The following ARFGEF3 variants were observed in gnomAD, a reference collection of about 807,000 sequenced individuals.
The protein encoded by ARFGEF3 is ARFGEF family member 3, also known as brefeldin A-inhibited guanine nucleotide-exchange protein 3.
In ARFGEF3, 96 loss-of-function variants were observed where a neutral mutation model predicts 221.7. That is an observed-to-expected ratio of 0.43 (90% CI 0.37 to 0.51). The LOEUF is 0.51. Ranked by LOEUF, ARFGEF3 falls within the 20% of genes least tolerant of loss-of-function variation. The probability of loss-of-function intolerance (pLI) is 0.00; values close to 1 mark genes in which losing one functional copy is unlikely to be tolerated. For synonymous variants in ARFGEF3, 1,145 were observed against 1,126.8 expected (o/e 1.02, Z -0.32); for missense variants, 2,410 against 2,789.9 (o/e 0.86, Z 3.07).
At position 138,253,806 on chromosome 6, in the gene ARFGEF3, G is replaced by A. The variant is rs554580983; in HGVS notation, c.666-74G>A. The A allele has an allele frequency of 5.4e-5, 64 of 1,176,782 alleles. No individual in the cohort carries two copies. In the South Asian group the frequency reaches 6.3e-4, roughly 12 times the overall value. 72.9% of individuals were successfully genotyped at this position (1,176,782 alleles called of 1,614,324 possible). On this transcript the variant is annotated intron_variant, in intron 8 of 33. Coordinates refer to ENST00000251691, the MANE Select transcript of ARFGEF3 (RefSeq NM_020340.5). ...AGTAACGCCTACCATTTTTCCGAGC[G>A]TGTTTCCACACATCACCTCTTTAAT...
At chr6:138,332,697 C>T (rs1485333123) in intron 32 of ARFGEF3, among the ~76,000 whole-genome samples, 2 of 152,254 alleles carry the variant, frequency 1.3e-5, no homozygotes, top group East Asian at 1.9e-4. Context: ...GTGATGGTTA[C>T]ACAACATTAT....
rs1479981955 is a variant in ARFGEF3, at chr6:138,336,785, G to C, written c.*299G>C. 1 of 206,932 alleles carries C rather than the reference G, an allele frequency of 4.8e-6. No homozygotes were observed. 12.8% of individuals were successfully genotyped at this position (206,932 alleles called of 1,614,324 possible). A position where few individuals can be genotyped will look rare whatever the true frequency, so the allele number is the denominator to read the frequency against. ...ATTTCCCAGTGCTTTTGCTTACAGT[G>C]TTGTCCCCAAATGGGTCATTTTCAA... is the stretch of plus-strand genomic sequence containing the variant. On this transcript the variant is annotated 3_prime_UTR_variant, in exon 34 of 34. Transcript: ENST00000251691.
rs772870477 is a variant in ARFGEF3 at position 138,255,601 on chromosome 6, G to A, written c.936G>A (p.Pro312=). The A allele has an allele frequency of 8.1e-6, 13 of 1,613,928 alleles. No homozygotes were observed. The highest frequency in any genetic ancestry group is 2.2e-5 in the South Asian group (2 of 91,080). Residue 312 remains proline (P), a synonymous_variant, in exon 10 of 34, where the codon CCG becomes CCA. Coordinates refer to ENST00000251691, the MANE Select transcript of ARFGEF3 (RefSeq NM_020340.5). The part of the protein sequence containing the change: ...GRGSGCSCTA[P]ALSGPVARTI... ...GATCAGGCTGCTCCTGCACTGCGCC[G>A]GCCCTGAGCGGACCTGTGGCTCGGA...
chr6:138,296,856 C>T lies in ARFGEF3; in HGVS notation c.3549C>T (p.Phe1183=). ...ACCGAAAAAGCGCCCTCCACCTGTTCCGCCTGGGGAATGCCATGCTGAGGA... is the reference window on the plus strand; with the variant it reads ...ACCGAAAAAGCGCCCTCCACCTGTTTCGCCTGGGGAATGCCATGCTGAGGA... ...TQDRKSALHL[F]RLGNAMLRIV... Residue 1183 remains phenylalanine, a synonymous_variant, in exon 21 of 34, where the codon TTC becomes TTT. Transcript: ENST00000251691. 1 of 1,613,996 alleles carries T rather than the reference C, an allele frequency of 6.2e-7. No individual in the cohort carries two copies. Among genetic ancestry groups the T allele is most frequent in the South Asian group, 1.1e-5 (1 of 91,076 alleles).
chr6:138,253,490 C>T (rs545488824), intron 8 of ARFGEF3, among the ~76,000 whole-genome samples: 1 of 152,300 alleles, frequency 6.6e-6, no homozygotes, highest in South Asian at 2.1e-4. Context: ...AGGATCTCCT[C>T]AGGCTTCTCT....
chr6:138,255,740 C>T lies in ARFGEF3; in HGVS notation c.1075C>T (p.Arg359Trp), dbSNP rs755030302. ...GCTGCTCTACCCCCCACCCCAGCACCGGGTGGAAGCCATCAAAATAATGAA... is the reference window on the plus strand; with the variant it reads ...GCTGCTCTACCCCCCACCCCAGCACTGGGTGGAAGCCATCAAAATAATGAA... ...RVLLYPPPQH[R>W]VEAIKIMKEI... Residue 359 changes from arginine to tryptophan, a missense_variant, in exon 10 of 34, where the codon CGG becomes TGG. By Grantham distance (101) the Arg-to-Trp change is moderately radical. Transcript: ENST00000251691. The T allele has an allele frequency of 1.2e-5, 19 of 1,580,158 alleles. No homozygotes were observed. In the Admixed American group the frequency reaches 1.4e-4, roughly 12 times the overall value.
chr6:138,318,888 C>T (rs1053053676), intron 27 of ARFGEF3, among the ~76,000 whole-genome samples: 13 of 152,096 alleles, frequency 8.5e-5, no homozygotes, highest in Non-Finnish European at 1.5e-4. Context: ...AACTGCTGTA[C>T]GTAAATACAA....
Position 138,319,765 on chromosome 6 carries a change from C to T in ARFGEF3, c.4537C>T (p.Arg1513Cys), listed in dbSNP as rs200052746. ...LLLPVMSVWL[R>C]RSHKDHSYWD... Reference sequence around the variant, plus strand: ...CCTTCCTGTGATGTCCGTTTGGCTCCGCCGGAGCCATAAAGACCATTCCTA... The same window carrying T: ...CCTTCCTGTGATGTCCGTTTGGCTCTGCCGGAGCCATAAAGACCATTCCTA... The change falls in exon 28 of 34, where the codon CGC (arginine) becomes TGC (cysteine). Residue 1513 changes from arginine (R) to cysteine (C), a missense_variant. Transcript: ENST00000251691. The T allele has an allele frequency of 3.3e-5, 54 of 1,613,630 alleles. No homozygotes were observed. Among genetic ancestry groups the T allele is most frequent in the Non-Finnish European group, 4.2e-5 (49 of 1,179,756 alleles).
At position 138,278,700 on chromosome 6, in the gene ARFGEF3, GGA is replaced by G. The variant is rs1314105562; in HGVS notation, c.2295+84_2295+85del. The G allele has an allele frequency of 9.5e-5, 137 of 1,445,308 alleles. No homozygotes were observed. The African/African-American group carries it at 1.8e-3, about 19-fold the overall frequency. 89.5% of individuals were successfully genotyped at this position (1,445,308 alleles called of 1,614,324 possible). ...CAGCCTAGCCTCAGTGCCCTGAGTG[GGA>G]TGGCACAGCGTGTTTTGTTCCAGAC... On this transcript the variant is annotated intron_variant, in intron 13 of 33. Transcript: ENST00000251691.
At chr6:138,229,236 C>G (rs1778147814) in intron 4 of ARFGEF3, among the ~76,000 whole-genome samples, 1 of 152,196 alleles carries the variant, frequency 6.6e-6, no homozygotes, top group Non-Finnish European at 1.5e-5. Context: ...ATTTGAGTTT[C>G]AGAAGAGGTG....
intron 12 of ARFGEF3, among the ~76,000 whole-genome samples, chr6:138,272,886 T>G (rs1272803923): frequency 6.6e-6 from 1 of 152,252 alleles, no homozygotes; most frequent in African/African-American, 2.4e-5. Context: ...TATTCTGCTT[T>G]TAGTACGCTT....
chr6:138,221,328 T>C (rs1241514766), intron 4 of ARFGEF3, among the ~76,000 whole-genome samples: 1 of 152,188 alleles, frequency 6.6e-6, no homozygotes, highest in Non-Finnish European at 1.5e-5. Flanking sequence ...TGTTTCTTGA[T>C]GGGGATATCT....
intron 4 of ARFGEF3, among the ~76,000 whole-genome samples, chr6:138,223,221 C>T (rs1778014136): frequency 6.6e-6 from 1 of 152,214 alleles, no homozygotes; most frequent in Admixed American, 6.5e-5. Context: ...ACTGAATTTT[C>T]TGTTCTTGCT....
rs141478196 is a variant in ARFGEF3 at position 138,192,392 on chromosome 6, C to T, written c.138-14650C>T. ...ATCCCAGCTACTTGGGAGGCTGAGG[C>T]AGGAGAATAGCTTGAACCCGGGAGG... On this transcript the variant is annotated intron_variant, in intron 2 of 33. Transcript: ENST00000251691. Among the ~76,000 whole-genome samples, 4 of 152,262 alleles carry T rather than the reference C, an allele frequency of 2.6e-5. 1 individual carries two copies. The highest frequency in any genetic ancestry group is 9.6e-5 in the African/African-American group (4 of 41,538).
chr6:138,176,331 C>T (rs116238347), intron 2 of ARFGEF3, among the ~76,000 whole-genome samples: 6,228 of 151,914 alleles, frequency 0.041, 143 homozygotes, highest in Middle Eastern at 0.092. Context: ...ACAGGCACAG[C>T]GCCACCACAC....
At chr6:138,240,300 A>G (rs1421804170) in intron 6 of ARFGEF3, among the ~76,000 whole-genome samples, 1 of 152,252 alleles carries the variant, frequency 6.6e-6, no homozygotes, top group Non-Finnish European at 1.5e-5. Context: ...TCCATGCTAA[A>G]TGACAATATG....
chr6:138,256,555 T>C (rs1468302796), intron 10 of ARFGEF3, among the ~76,000 whole-genome samples: 2 of 152,180 alleles, frequency 1.3e-5, no homozygotes, highest in Non-Finnish European at 2.9e-5. Context: ...GAAGTTAAAT[T>C]TGAATTCTTT....
chr6:138,166,021 G>A (rs1776716423), intron 1 of ARFGEF3, among the ~76,000 whole-genome samples: 3 of 152,160 alleles, frequency 2.0e-5, no homozygotes, highest in African/African-American at 7.2e-5. Context: ...CAGAGCTGGG[G>A]AAAAATGGCT....
intron 17 of ARFGEF3, 62 bp downstream of exon 17, chr6:138,287,246 A>G (rs763050737): frequency 3.2e-6 from 4 of 1,239,586 alleles, no homozygotes; most frequent in Non-Finnish European, 3.5e-6. Flanking sequence ...ACACCTGCAC[A>G]GGCCTACACA....
Sources: gnomAD v4.1 joint callset for allele counts (sites outside exome capture counted in the v4.1 genomes callset) on GRCh38, gnomAD v4.1.1 for gene constraint, MANE v1.5 for transcripts, NCBI Gene and HGNC (gene_info 2026-07-23, HGNC 2026-07-21) for gene names.